TENM1: variants seen among roughly 807,000 people sequenced by gnomAD.
TENM1 encodes teneurin transmembrane protein 1.
In TENM1, 35 loss-of-function variants were observed where a neutral mutation model predicts 174.8. That is an observed-to-expected ratio of 0.20 (90% CI 0.15 to 0.27). TENM1 has a LOEUF of 0.27. Among genes scored for constraint, TENM1 ranks in the 10% least tolerant of loss-of-function variants. TENM1 has a pLI of 1.00. For missense variants in TENM1, 1,633 were observed against 2,130.1 expected (o/e 0.77, Z 4.59); for synonymous variants, 781 against 798.7 (o/e 0.98, Z 0.37).
At chrX:124,924,120 C>T (rs1306766064) in intron 1 of TENM1, among the ~76,000 whole-genome samples, 3 of 112,217 alleles carry the variant, frequency 2.7e-5, no homozygotes, top group Non-Finnish European at 5.6e-5. Context: ...AATTAATATT[C>T]TTACATTGTT....
intron 3 of TENM1, among the ~76,000 whole-genome samples, chrX:124,863,124 A>G (rs1251406624): frequency 9.1e-6 from 1 of 109,591 alleles, no homozygotes; most frequent in African/African-American, 3.3e-5. Context: ...AACAGCAATG[A>G]TACCCATCAA....
chrX:124,458,521 A>G (rs999665804), intron 22 of TENM1, among the ~76,000 whole-genome samples: 1 of 112,752 alleles, frequency 8.9e-6, no homozygotes, highest in African/African-American at 3.2e-5. Context: ...TTATTTAATC[A>G]GATATTTTGT....
intron 20 of TENM1, among the ~76,000 whole-genome samples, chrX:124,492,950 T>TA (rs1003811563): frequency 2.8e-5 from 3 of 108,574 alleles, no homozygotes; most frequent in East Asian, 2.9e-4. Context: ...CTAACACTAA[T>TA]AAAAAAAAAG....
intron 3 of TENM1, among the ~76,000 whole-genome samples, chrX:124,881,942 T>A (rs1219828414): frequency 8.9e-6 from 1 of 111,824 alleles, no homozygotes; most frequent in Non-Finnish European, 1.9e-5. Context: ...TCGGCCAGGC[T>A]GGCCTCAAAC....
At chrX:124,823,280 C>T (rs932974494) in intron 3 of TENM1, among the ~76,000 whole-genome samples, 2 of 111,877 alleles carry the variant, frequency 1.8e-5, no homozygotes, top group African/African-American at 6.5e-5. Context: ...ATTAATTAGA[C>T]GGATGTGTTA....
At chrX:124,505,895 G>A (rs1003470549) in intron 18 of TENM1, among the ~76,000 whole-genome samples, 2 of 110,974 alleles carry the variant, frequency 1.8e-5, no homozygotes, top group African/African-American at 6.6e-5. Flanking sequence ...ATTCTTTCTA[G>A]ATTACATTTG....
At position 124,576,249 on chromosome X, in the gene TENM1, G is replaced by A. The variant is rs188813966; in HGVS notation, c.2078-10689C>T. The stretch of plus-strand genomic sequence containing the variant: ...AAATTTTTGTATTTTTAGTAGAGAC[G>A]GGGTTTTGCCATGTTGGCCAGGCCG... On this transcript the variant is annotated intron_variant, in intron 11 of 31. Coordinates refer to ENST00000422452, the Ensembl canonical transcript of TENM1. Among the ~76,000 whole-genome samples, 358 of 111,020 alleles carry A rather than the reference G, an allele frequency of 3.2e-3. 2 individuals are homozygous for A. Among genetic ancestry groups the A allele is most frequent in the African/African-American group, 0.011 (324 of 30,502 alleles).
intron 1 of TENM1, among the ~76,000 whole-genome samples, chrX:124,940,810 C>G (rs1362124220): frequency 1.8e-5 from 2 of 111,463 alleles, no homozygotes; most frequent in Non-Finnish European, 3.8e-5. Flanking sequence ...CATCTGTATT[C>G]TGGATCCTTT....
chrX:124,630,596 C>T (rs1025280840), intron 11 of TENM1, among the ~76,000 whole-genome samples: 10 of 111,838 alleles, frequency 8.9e-5, no homozygotes, highest in African/African-American at 2.9e-4. Context: ...TAGTGGTTCA[C>T]GTGCCCAAGA....
At chrX:124,829,092 C>A (rs2056233723) in intron 3 of TENM1, among the ~76,000 whole-genome samples, 2 of 111,721 alleles carry the variant, frequency 1.8e-5, no homozygotes, top group Admixed American at 1.9e-4. Flanking sequence ...AAAGTCTCCC[C>A]TCTCTTTTAT....
chrX:125,115,370 T>C, the TENM1 span, among the ~76,000 whole-genome samples: 3 of 111,519 alleles, frequency 2.7e-5, no homozygotes, highest in African/African-American at 9.8e-5. Flanking sequence ...TTCAACATAG[T>C]ATTGGAAGTT....
chrX:124,906,228 T>C (rs2057746211), intron 1 of TENM1, among the ~76,000 whole-genome samples: 1 of 112,079 alleles, frequency 8.9e-6, no homozygotes, highest in Admixed American at 9.5e-5. Context: ...ATGTAATTTA[T>C]AGAATGCTAT....
chrX:124,599,803 A>T (rs1448025178), intron 11 of TENM1, among the ~76,000 whole-genome samples: 1 of 110,422 alleles, frequency 9.1e-6, no homozygotes, highest in Non-Finnish European at 1.9e-5. Flanking sequence ...GAAATAGGTT[A>T]ACAAGTGACT....
chrX:124,631,901 A>C (rs1338975708), intron 11 of TENM1, among the ~76,000 whole-genome samples: 1 of 103,375 alleles, frequency 9.7e-6, no homozygotes, highest in Non-Finnish European at 2.0e-5. Context: ...AAAAAAAAAA[A>C]AAAAAAAATC....
intron 3 of TENM1, among the ~76,000 whole-genome samples, chrX:124,751,749 T>G (rs1319341464): frequency 9.6e-6 from 1 of 104,446 alleles, no homozygotes; most frequent in Non-Finnish European, 2.0e-5. Flanking sequence ...GTGTTTGGTT[T>G]TTTGTCCTTG....
chrX:124,572,032 T>C (rs2049065407), intron 11 of TENM1, among the ~76,000 whole-genome samples: 1 of 110,736 alleles, frequency 9.0e-6, no homozygotes, highest in African/African-American at 3.3e-5. Context: ...CAAGTGATTC[T>C]TCCACCCCAG....
intron 11 of TENM1, among the ~76,000 whole-genome samples, chrX:124,580,306 A>G (rs933052716): frequency 2.7e-5 from 3 of 111,322 alleles, no homozygotes; most frequent in African/African-American, 9.8e-5. Context: ...TTTGCTACAC[A>G]TGTGTGAACC....
At chrX:124,377,536 AT>A (rs750793096) in exon 32 of TENM1, 1 of 112,089 alleles carries the variant, frequency 8.9e-6, no homozygotes, top group East Asian at 2.8e-4. Flanking sequence ...ACATATTTAA[AT>A]GTGTTAAACT....
chrX:124,511,232 T>C (rs187486129), intron 18 of TENM1, among the ~76,000 whole-genome samples: 33 of 112,297 alleles, frequency 2.9e-4, no homozygotes, highest in Non-Finnish European at 5.6e-4. Context: ...TTTCATCTTC[T>C]GGTGACAATA....
Sources: gnomAD v4.1 joint callset for allele counts (sites outside exome capture counted in the v4.1 genomes callset) on GRCh38, gnomAD v4.1.1 for gene constraint, MANE v1.5 for transcripts, NCBI Gene and HGNC (gene_info 2026-07-23, HGNC 2026-07-21) for gene names.